The following ABCG5 variants were observed in gnomAD, a reference collection of about 807,000 sequenced individuals.
The protein encoded by ABCG5 is ATP-binding cassette sub-family G member 5.
Under a neutral mutation model 64.5 loss-of-function variants are expected in ABCG5, and 64 were observed. That is an observed-to-expected ratio of 0.99 (90% CI 0.81 to 1.22). The LOEUF is 1.22. Ranked by LOEUF, ABCG5 falls within the 50% of genes most tolerant of loss-of-function variation. The pLI is 0.00. For missense variants in ABCG5, 908 were observed against 829.5 expected, an observed-to-expected ratio of 1.09 and a Z score of -1.16; for synonymous variants, 385 against 326.3, an observed-to-expected ratio of 1.18 and a Z score of -1.94.
intron 10 of ABCG5, among the ~76,000 whole-genome samples, chr2:43,821,713 A>G (rs1340601049): frequency 6.6e-6 from 1 of 152,002 alleles, no homozygotes; most frequent in Admixed American, 6.5e-5. Flanking sequence ...TTGTGTCTTG[A>G]ATTCTAATAG....
chr2:43,826,575 G>A, intron 5 of ABCG5, 54 bp from the exon 6 acceptor site: 1 of 1,612,242 alleles, frequency 6.2e-7, no homozygotes, highest in Non-Finnish European at 8.5e-7. Context: ...CAGGCTCTGT[G>A]CTTAAAACTC....
chr2:43,828,289 G>A, intron 4 of ABCG5, 174 bp from the exon 5 acceptor site: 1 of 865,852 alleles, frequency 1.2e-6, no homozygotes, highest in South Asian at 1.5e-5. Flanking sequence ...ATCCAATTCG[G>A]CTTAAATCGT....
Position 43,838,581 on chromosome 2 carries a change from C to G in ABCG5, c.99G>C (p.Pro33=). ...SSLEGAPATA[P]EPHSLGILHA... is the part of the protein sequence containing the mutation. Reference sequence around the variant, plus strand: ...GGAGGATGCCCAGGCTGTGAGGCTCCGGGGCGGTGGCAGGAGCCCCCTCCA... The same window carrying G: ...GGAGGATGCCCAGGCTGTGAGGCTCGGGGGCGGTGGCAGGAGCCCCCTCCA... Residue 33 remains proline (P), a synonymous_variant, in exon 1 of 13, where the codon CCG becomes CCC. Transcript: ENST00000405322. This position sits in a 1 kb window ranked among gnomAD's most constrained non-coding sequence, Gnocchi z 4.2. 1 of 1,609,798 alleles carries G rather than the reference C, an allele frequency of 6.2e-7. No individual in the cohort carries two copies. The highest frequency in any genetic ancestry group is 1.7e-4 in the Middle Eastern group (1 of 6,030).
In ABCG5 at chr2:43,838,174, T is replaced by A. The variant is rs1668402295; in HGVS notation, c.144-219A>T. The stretch of plus-strand genomic sequence containing the variant: ...GGGCCTGTGCTGGAGTTGCTCTGAA[T>A]GTCCTGTCCGTTTGGCTGCGAGGTG... On this transcript the variant is annotated intron_variant, in intron 1 of 12. Coordinates refer to ENST00000405322, the MANE Select transcript of ABCG5 (RefSeq NM_022436.3). This position sits in a 1 kb window ranked among gnomAD's most constrained non-coding sequence, Gnocchi z 4.2. 1 of 630,078 alleles carries A rather than the reference T, an allele frequency of 1.6e-6. No individual in the cohort carries two copies. The highest frequency in any genetic ancestry group is 2.7e-6 in the Non-Finnish European group (1 of 365,716). The allele number at this position is 630,078 out of a possible 1,614,324, so 39.0% of individuals were successfully genotyped here.
chr2:43,822,962 C>G (rs1349802306), intron 9 of ABCG5, 27 bp from the exon 10 acceptor site: 1 of 1,612,500 alleles, frequency 6.2e-7, no homozygotes. Flanking sequence ...GGTTTCAGAA[C>G]AGTCAGTCAC....
rs1177967200 is a variant in ABCG5, at chr2:43,838,631, C to G, written c.49G>C (p.Val17Leu). 6.2e-7 allele frequency: 1 copy of G among 1,613,480 alleles called. No homozygotes were observed. Among genetic ancestry groups the G allele is most frequent in the Admixed American group, 1.7e-5 (1 of 60,004 alleles). Residue 17 changes from valine (V) to leucine (L), a missense_variant, in exon 1 of 13, where the codon GTA becomes CTA. By Grantham distance (32) the Val-to-Leu change is conservative. Transcript: ENST00000405322. The surrounding 1 kb of genome is among the most constrained non-coding windows in gnomAD (Gnocchi z 4.2). ...LTPGGSMGLQ[V>L]NRGSQSSLEG... ...AGGGAGCTCTGGGAGCCTCTGTTTA[C>G]TTGGAGACCCATGGACCCTCCGGGG...
intron 5 of ABCG5, among the ~76,000 whole-genome samples, chr2:43,826,889 C>A (rs1173167931): frequency 6.6e-6 from 1 of 152,170 alleles, no homozygotes; most frequent in Non-Finnish European, 1.5e-5. Context: ...AAAGACAACC[C>A]CATTTCATGT....
intron 9 of ABCG5, 108 bp from the exon 10 acceptor site, chr2:43,823,043 A>T (rs1667340609): frequency 6.7e-7 from 1 of 1,483,086 alleles, no homozygotes; most frequent in Non-Finnish European, 9.2e-7. Context: ...GGTGAGGACC[A>T]GCTAGGGGGG....
chr2:43,808,181 A>G (rs905786916), downstream of ABCG5, among the ~76,000 whole-genome samples: 35 of 152,152 alleles, frequency 2.3e-4, no homozygotes, highest in Middle Eastern at 3.2e-3. Context: ...TAGCTTTATT[A>G]GAAAAAAATA....
At chr2:43,813,705 T>C (rs1380555780) in intron 12 of ABCG5, among the ~76,000 whole-genome samples, 1 of 139,258 alleles carries the variant, frequency 7.2e-6, no homozygotes, top group Non-Finnish European at 1.5e-5. Flanking sequence ...GGGTTTTTTT[T>C]TTCGTTTTTT....
upstream of ABCG5, chr2:43,838,995 G>A: frequency 1.3e-6 from 2 of 1,517,350 alleles, no homozygotes; most frequent in Non-Finnish European, 8.9e-7. This position sits in a 1 kb window ranked among gnomAD's most constrained non-coding sequence, Gnocchi z 4.2. Context: ...CACTGGCCCT[G>A]GCAGGCAGCA....
chr2:43,837,565 T>C (rs967907142), intron 2 of ABCG5, among the ~76,000 whole-genome samples: 1 of 152,072 alleles, frequency 6.6e-6, no homozygotes, highest in Non-Finnish European at 1.5e-5. Context: ...GGAAATTGTG[T>C]TTCCTGAGTA....
intron 4 of ABCG5, 84 bp from the exon 5 acceptor site, chr2:43,828,199 G>T: frequency 6.3e-7 from 1 of 1,592,188 alleles, no homozygotes; most frequent in East Asian, 2.2e-5. Flanking sequence ...CATGAAAGAG[G>T]CAGCACACCG....
At chr2:43,817,969 C>T (rs1372630349) in intron 11 of ABCG5, among the ~76,000 whole-genome samples, 1 of 152,126 alleles carries the variant, frequency 6.6e-6, no homozygotes, top group Non-Finnish European at 1.5e-5. Flanking sequence ...AACATTACAG[C>T]TTAGCCTGGT....
Position 43,832,075 on chromosome 2 carries a change from T to TC in ABCG5, c.273dup (p.Lys92GlufsTer106), listed in dbSNP as rs1558765420. 6.3e-7 allele frequency: 1 copy of TC among 1,579,958 alleles called. No individual in the cohort carries two copies. Among genetic ancestry groups the TC allele is most frequent in the Admixed American group, 1.8e-5 (1 of 55,080 alleles). ...GACATGGCGTCCAGCAGCGTGGTTT[T>TC]CCCGGAGCCTGCGGGGCGACAACAG... On this transcript the variant is annotated frameshift_variant, in exon 3 of 13. Transcript: ENST00000405322. LOFTEE classifies it high-confidence loss of function.
downstream of ABCG5, chr2:43,810,366 C>T (rs773454928): frequency 1.0e-6 from 1 of 985,298 alleles, no homozygotes; most frequent in Non-Finnish European, 1.2e-6. Flanking sequence ...TTAAATACCA[C>T]TTTTTGAAGA....
rs1267639186 is a variant in ABCG5 at position 43,831,932 on chromosome 2, G to A, written c.402+15C>T. On this transcript the variant is annotated intron_variant, in intron 3 of 12. Coordinates refer to ENST00000405322, the MANE Select transcript of ABCG5 (RefSeq NM_022436.3). ...GGGCGGGCGGGGGGGCCAGGGGTGT[G>A]GGGGACGCGCCCACCTGCAGGACGT... is the stretch of plus-strand genomic sequence containing the variant. 4 of 1,548,332 alleles carry A rather than the reference G, an allele frequency of 2.6e-6. No homozygotes were observed. Among genetic ancestry groups the A allele is most frequent in the Non-Finnish European group, 2.6e-6 (3 of 1,146,804 alleles).
At chr2:43,833,363 ATATTATTATTATTAT>A (rs67113914) in intron 2 of ABCG5, among the ~76,000 whole-genome samples, 9 of 144,234 alleles carry the variant, frequency 6.2e-5, no homozygotes, top group South Asian at 2.3e-4. Flanking sequence ...TTTTGTTGAA[ATATTATTATTATTAT>A]TATTATTATT....
intron 2 of ABCG5, among the ~76,000 whole-genome samples, chr2:43,833,381 T>C (rs1408303799): frequency 6.8e-6 from 1 of 147,300 alleles, no homozygotes; most frequent in Non-Finnish European, 1.5e-5. Flanking sequence ...ATTATTATTA[T>C]TATTATTATT....
Sources: gnomAD v4.1 joint callset for allele counts (sites outside exome capture counted in the v4.1 genomes callset) on GRCh38, gnomAD v4.1.1 for gene constraint, Gnocchi (gnomAD v3.1) non-coding constraint, MANE v1.5 for transcripts, NCBI Gene and HGNC (gene_info 2026-07-23, HGNC 2026-07-21) for gene names.